Variants in SNX29 observed in about 807,000 individuals in gnomAD.
SNX29 encodes sorting nexin-29.
SNX29 carries 78 observed loss-of-function variants against 102.1 expected under a neutral mutation model. The observed-to-expected ratio is 0.76, with a 90% CI of 0.64 to 0.92. SNX29 has a LOEUF of 0.92. SNX29 is among the 40% of genes least tolerant of loss of function. The pLI is 0.00. For synonymous variants in SNX29, 580 were observed against 414.5 expected (o/e 1.40, Z -4.85); for missense variants, 1,280 against 1,061.7 (o/e 1.21, Z -2.86).
At chr16:12,373,108 T>C (rs1221864346) in intron 16 of SNX29, 1 of 152,216 alleles carries the variant, frequency 6.6e-6, no homozygotes, top group Non-Finnish European at 1.5e-5. Context: ...AGTCTTCATG[T>C]CCTCACCTTT....
chr16:11,977,957 C>G (rs141024322), intron 1 of SNX29: 2 of 152,244 alleles, frequency 1.3e-5, no homozygotes, highest in African/African-American at 4.8e-5. Context: ...TGCATCCAGC[C>G]GTCCTGGCCG....
chr16:12,475,818 A>G (rs1315649238), intron 18 of SNX29, among the ~76,000 whole-genome samples: 1 of 152,238 alleles, frequency 6.6e-6, no homozygotes, highest in Non-Finnish European at 1.5e-5. Context: ...GACAATTACC[A>G]GCCTAAGTGA....
At chr16:12,316,609 CT>C (rs751663441) in intron 15 of SNX29, among the ~76,000 whole-genome samples, 50 of 152,170 alleles carry the variant, frequency 3.3e-4, no homozygotes, top group Admixed American at 7.2e-4. Flanking sequence ...CCTCAGGGGC[CT>C]CCCTCCCACT....
intron 15 of SNX29, among the ~76,000 whole-genome samples, chr16:12,351,151 G>T (rs1189655540): frequency 6.6e-6 from 1 of 152,178 alleles, no homozygotes; most frequent in Admixed American, 6.5e-5. Flanking sequence ...CCTGCAGGGG[G>T]ATTGTAGGAA....
chr16:12,175,683 C>T (rs906682715), intron 13 of SNX29, among the ~76,000 whole-genome samples: 2 of 150,694 alleles, frequency 1.3e-5, no homozygotes, highest in East Asian at 2.0e-4. Flanking sequence ...GGCTGTAATA[C>T]GATAGGACCG....
At chr16:12,508,084 C>A (rs1597657306) in intron 19 of SNX29, among the ~76,000 whole-genome samples, 2 of 152,228 alleles carry the variant, frequency 1.3e-5, no homozygotes, top group East Asian at 3.8e-4. Flanking sequence ...AGTGTTCTTA[C>A]CTGTAAAAGG....
At chr16:12,126,718 A>G in intron 12 of SNX29, 22 bp downstream of exon 12, 1 of 1,613,052 alleles carries the variant, frequency 6.2e-7, no homozygotes, top group Non-Finnish European at 8.5e-7. Flanking sequence ...TTCAGGCTTG[A>G]GGAATAGCCT....
chr16:12,072,314 T>C (rs1275163716), intron 10 of SNX29, among the ~76,000 whole-genome samples: 1 of 152,216 alleles, frequency 6.6e-6, no homozygotes, highest in Non-Finnish European at 1.5e-5. Context: ...TTGTCATAGA[T>C]AGCTCTTATT....
chr16:12,239,609 C>G (rs528593963), intron 14 of SNX29, among the ~76,000 whole-genome samples: 1 of 129,390 alleles, frequency 7.7e-6, no homozygotes, highest in African/African-American at 3.0e-5. Context: ...TGGAGAATCA[C>G]TTGAGGCAAG....
chr16:12,086,655 T>A (rs1321940720), intron 11 of SNX29: 1 of 152,020 alleles, frequency 6.6e-6, no homozygotes, highest in Admixed American at 6.6e-5. Flanking sequence ...TCTCAGATAA[T>A]CCTCCCGCCT....
intron 16 of SNX29, among the ~76,000 whole-genome samples, chr16:12,359,834 A>AT (rs1410408395): frequency 6.6e-6 from 1 of 152,026 alleles, no homozygotes; most frequent in Non-Finnish European, 1.5e-5. Flanking sequence ...TTATTTATTT[A>AT]TTTTTTTGAG....
At chr16:12,103,666 G>C (rs1419940378) in intron 11 of SNX29, among the ~76,000 whole-genome samples, 1 of 152,106 alleles carries the variant, frequency 6.6e-6, no homozygotes, top group Non-Finnish European at 1.5e-5. Context: ...CAAAAGAAAT[G>C]GCAACAAAAA....
At chr16:12,542,608 A>C (rs1015730278) in intron 20 of SNX29, among the ~76,000 whole-genome samples, 4 of 152,248 alleles carry the variant, frequency 2.6e-5, no homozygotes, top group African/African-American at 9.6e-5. Context: ...CTGGGATTAC[A>C]GGCGTGAGCC....
intron 15 of SNX29, among the ~76,000 whole-genome samples, chr16:12,334,352 T>C (rs541820288): frequency 6.6e-6 from 1 of 152,172 alleles, no homozygotes; most frequent in Non-Finnish European, 1.5e-5. Context: ...GCTTCGCTTT[T>C]GTGAAGCTCT....
At chr16:12,225,053 A>G (rs1201346734) in intron 14 of SNX29, among the ~76,000 whole-genome samples, 1 of 152,192 alleles carries the variant, frequency 6.6e-6, no homozygotes, top group Non-Finnish European at 1.5e-5. Context: ...TTTAGTCAGA[A>G]ATCTTTCTAA....
intron 15 of SNX29, among the ~76,000 whole-genome samples, chr16:12,293,412 T>G (rs181004877): frequency 1.3e-5 from 2 of 152,356 alleles, no homozygotes; most frequent in African/African-American, 4.8e-5. Flanking sequence ...TGATCCTGCT[T>G]TCCTGCTGTT....
At chr16:12,195,885 A>G (rs752589900) in intron 13 of SNX29, among the ~76,000 whole-genome samples, 1 of 151,940 alleles carries the variant, frequency 6.6e-6, no homozygotes, top group Non-Finnish European at 1.5e-5. Context: ...GAGGAGAGGG[A>G]CATAGGCATG....
At chr16:12,331,193 T>C (rs2081282801) in intron 15 of SNX29, among the ~76,000 whole-genome samples, 2 of 152,148 alleles carry the variant, frequency 1.3e-5, no homozygotes, top group South Asian at 4.1e-4. Flanking sequence ...TGAGCCCAAC[T>C]TTCCAGGCTG....
chr16:12,243,019 T>C (rs2078158888), intron 14 of SNX29, among the ~76,000 whole-genome samples: 2 of 152,170 alleles, frequency 1.3e-5, no homozygotes, highest in Non-Finnish European at 2.9e-5. Context: ...GGCCCCTGGC[T>C]GTGGAGGCTC....
Sources: allele counts gnomAD v4.1 joint callset (sites outside exome capture counted in the v4.1 genomes callset), GRCh38; gene constraint gnomAD v4.1.1; transcripts MANE v1.5; gene names NCBI Gene and HGNC (gene_info 2026-07-23, HGNC 2026-07-21).